Variants in NRG1 observed in about 807,000 individuals in gnomAD.
NRG1 encodes neuregulin 1.
NRG1 carries 18 observed loss-of-function variants against 63.8 expected under a neutral mutation model. The observed-to-expected ratio is 0.28, with a 90% CI of 0.19 to 0.42. The LOEUF (loss-of-function observed/expected upper bound fraction) is 0.42, where lower values mean the gene tolerates loss of function less well. Ranked by LOEUF, NRG1 falls within the 10% of genes least tolerant of loss-of-function variation. The pLI is 1.00. For synonymous variants in NRG1, 302 were observed against 301.3 expected, an observed-to-expected ratio of 1.00 and a Z score of -0.02; for missense variants, 762 against 814.7, an observed-to-expected ratio of 0.94 and a Z score of 0.79.
intron 1 of NRG1, among the ~76,000 whole-genome samples, chr8:31,742,274 G>T (rs1815353987): frequency 6.6e-6 from 1 of 151,678 alleles, no homozygotes; most frequent in South Asian, 2.1e-4. Context: ...GATTGGAGAA[G>T]GTCATGCTAT....
intron 1 of NRG1, among the ~76,000 whole-genome samples, chr8:32,542,981 T>C (rs1832718266): frequency 6.6e-6 from 1 of 152,150 alleles, no homozygotes; most frequent in African/African-American, 2.4e-5. Context: ...AAAATGATTG[T>C]CACAGTAGGT....
chr8:32,517,611 G>T (rs1196832751), intron 1 of NRG1, among the ~76,000 whole-genome samples: 1 of 152,142 alleles, frequency 6.6e-6, no homozygotes, highest in Non-Finnish European at 1.5e-5. Flanking sequence ...GCAGCTCTAC[G>T]AAATATACAA....
At chr8:31,888,422 C>T (rs1830891899) in intron 1 of NRG1, among the ~76,000 whole-genome samples, 1 of 152,024 alleles carries the variant, frequency 6.6e-6, no homozygotes, top group Non-Finnish European at 1.5e-5. Flanking sequence ...TTAACATTTT[C>T]AATTTTTTTT....
chr8:32,285,134 C>G (rs1853377455), intron 1 of NRG1, among the ~76,000 whole-genome samples: 1 of 152,192 alleles, frequency 6.6e-6, no homozygotes, highest in Non-Finnish European at 1.5e-5. Context: ...TGTTCAGGCT[C>G]TGTCCAGAAA....
At chr8:32,272,559 A>G (rs1314782690) in intron 1 of NRG1, among the ~76,000 whole-genome samples, 1 of 152,130 alleles carries the variant, frequency 6.6e-6, no homozygotes, top group Non-Finnish European at 1.5e-5. Flanking sequence ...AGACATGTAC[A>G]TTTCCATTTG....
chr8:32,087,482 C>CTTTCTT (rs1554622114), intron 1 of NRG1, among the ~76,000 whole-genome samples: 1 of 90,278 alleles, frequency 1.1e-5, no homozygotes, highest in African/African-American at 3.8e-5. Context: ...TCTTTTCTTT[C>CTTTCTT]TTTTTTTTTT....
At chr8:31,986,560 A>G (rs2129631703) in intron 1 of NRG1, among the ~76,000 whole-genome samples, 1 of 152,244 alleles carries the variant, frequency 6.6e-6, no homozygotes, top group African/African-American at 2.4e-5. Context: ...TGGAGCATGA[A>G]ATATTTCTTA....
chr8:31,837,785 C>T (rs1825823558), intron 1 of NRG1, among the ~76,000 whole-genome samples: 1 of 152,100 alleles, frequency 6.6e-6, no homozygotes, highest in Admixed American at 6.6e-5. Flanking sequence ...CCTCTAGCCT[C>T]ATTCACATTG....
chr8:32,046,925 A>G (rs2130759363), intron 1 of NRG1, among the ~76,000 whole-genome samples: 1 of 152,208 alleles, frequency 6.6e-6, no homozygotes, highest in Non-Finnish European at 1.5e-5. Context: ...TTAATTTTAA[A>G]AATAAAACTA....
At chr8:32,515,149 G>T (rs927899701) in intron 1 of NRG1, among the ~76,000 whole-genome samples, 1 of 152,078 alleles carries the variant, frequency 6.6e-6, no homozygotes, top group African/African-American at 2.4e-5. Flanking sequence ...TAATGGAATT[G>T]CTGTGTTGAA....
intron 1 of NRG1, among the ~76,000 whole-genome samples, chr8:31,936,866 G>A (rs1800987444): frequency 6.6e-6 from 1 of 152,154 alleles, no homozygotes; most frequent in South Asian, 2.1e-4. Flanking sequence ...TTAATCTGGT[G>A]CAATTGCTCT....
chr8:31,891,963 G>T (rs1400916994), intron 1 of NRG1, among the ~76,000 whole-genome samples: 1 of 151,988 alleles, frequency 6.6e-6, no homozygotes, highest in Non-Finnish European at 1.5e-5. Flanking sequence ...ATTAAATGAA[G>T]AACAGATTAG....
At chr8:32,427,275 C>G (rs1163776612) in intron 1 of NRG1, among the ~76,000 whole-genome samples, 1 of 152,172 alleles carries the variant, frequency 6.6e-6, no homozygotes, top group African/African-American at 2.4e-5. Context: ...TGAAAAATCA[C>G]AAGGAAATAT....
intron 1 of NRG1, among the ~76,000 whole-genome samples, chr8:31,696,002 AGGATTAAAAGATAAT>A (rs60793111): frequency 0.063 from 9,649 of 152,234 alleles, 1,038 homozygotes; most frequent in African/African-American, 0.22. Flanking sequence ...ATTTCTTTTA[AGGATTAAAAGATAAT>A]GGATTAAAAG....
chr8:31,692,806 C>G (rs1232010405), intron 1 of NRG1, among the ~76,000 whole-genome samples: 1 of 152,090 alleles, frequency 6.6e-6, no homozygotes, highest in Non-Finnish European at 1.5e-5. Context: ...TAAGCTTGCT[C>G]AGGACCAAAA....
chr8:32,075,927 C>T (rs1239519874), intron 1 of NRG1, among the ~76,000 whole-genome samples: 5 of 151,724 alleles, frequency 3.3e-5, no homozygotes, highest in African/African-American at 9.7e-5. Flanking sequence ...CCCACCTTGG[C>T]CTCCCAGAGT....
At chr8:31,719,638 A>G (rs1812702534) in intron 1 of NRG1, among the ~76,000 whole-genome samples, 1 of 152,142 alleles carries the variant, frequency 6.6e-6, no homozygotes. Flanking sequence ...GAATGCTTAT[A>G]CTACTTTTCC....
At chr8:32,523,115 A>G (rs1830494836) in intron 1 of NRG1, among the ~76,000 whole-genome samples, 3 of 152,046 alleles carry the variant, frequency 2.0e-5, no homozygotes, top group Admixed American at 2.0e-4. Flanking sequence ...TAATTTGTCT[A>G]TTTTTATTGT....
intron 1 of NRG1, among the ~76,000 whole-genome samples, chr8:32,079,652 A>G (rs1482911654): frequency 6.6e-6 from 1 of 152,206 alleles, no homozygotes; most frequent in South Asian, 2.1e-4. Context: ...ATATGCTCAT[A>G]AACAAAGCAG....
Sources: gnomAD v4.1 joint callset for allele counts (sites outside exome capture counted in the v4.1 genomes callset) on GRCh38, gnomAD v4.1.1 for gene constraint, MANE v1.5 for transcripts, NCBI Gene and HGNC (gene_info 2026-07-23, HGNC 2026-07-21) for gene names.